The following INSYN2B variants were observed in gnomAD, a reference collection of about 807,000 sequenced individuals.
INSYN2B encodes the protein protein INSYN2B.
Under a neutral mutation model 41.2 loss-of-function variants are expected in INSYN2B, and 16 were observed. That is an observed-to-expected ratio of 0.39 (90% CI 0.26 to 0.59). The LOEUF (loss-of-function observed/expected upper bound fraction) is 0.59, where lower values mean the gene tolerates loss of function less well. Among genes scored for constraint, INSYN2B ranks in the 20% least tolerant of loss-of-function variants. INSYN2B has a pLI of 0.57. For synonymous variants in INSYN2B, 245 were observed against 244.4 expected, an observed-to-expected ratio of 1.00 and a Z score of -0.02; for missense variants, 608 against 646.4, an observed-to-expected ratio of 0.94 and a Z score of 0.64.
At chr5:169,872,673 C>T (rs570869252) in intron 3 of INSYN2B, among the ~76,000 whole-genome samples, 1 of 152,112 alleles carries the variant, frequency 6.6e-6, no homozygotes, top group African/African-American at 2.4e-5. Flanking sequence ...GCATGTGAAA[C>T]CCTCAGAAAG....
At chr5:169,921,292 G>A (rs560273106) in intron 1 of INSYN2B, among the ~76,000 whole-genome samples, 1 of 152,110 alleles carries the variant, frequency 6.6e-6, no homozygotes, top group Non-Finnish European at 1.5e-5. Context: ...ATATTATATA[G>A]GAAATCTCAT....
At chr5:169,886,445 A>C (rs558271213) in intron 1 of INSYN2B, among the ~76,000 whole-genome samples, 10 of 152,354 alleles carry the variant, frequency 6.6e-5, no homozygotes, top group Admixed American at 6.5e-4. Context: ...TCCTCAGTCC[A>C]TGACTAAATC....
intron 1 of INSYN2B, among the ~76,000 whole-genome samples, chr5:169,931,985 C>G (rs1775778401): frequency 2.0e-5 from 3 of 152,308 alleles, no homozygotes; most frequent in Non-Finnish European, 4.4e-5. Flanking sequence ...AGGAACTGCT[C>G]TAGGTGCTAG....
At chr5:169,875,437 C>T (rs139951493) in intron 3 of INSYN2B, 31 of 384,698 alleles carry the variant, frequency 8.1e-5, no homozygotes, top group African/African-American at 5.8e-4. Context: ...CAGTGACAAT[C>T]GAACATTCCA....
At chr5:169,922,801 C>T (rs959710599) in intron 1 of INSYN2B, among the ~76,000 whole-genome samples, 1 of 152,164 alleles carries the variant, frequency 6.6e-6, no homozygotes, top group Non-Finnish European at 1.5e-5. Context: ...ATATAACCTA[C>T]ATTGTTTGAG....
intron 1 of INSYN2B, among the ~76,000 whole-genome samples, chr5:169,913,865 G>A (rs1774737793): frequency 6.6e-6 from 1 of 150,794 alleles, no homozygotes; most frequent in Non-Finnish European, 1.5e-5. Flanking sequence ...TACTGAGCAA[G>A]AAGCTTAGAG....
At chr5:169,877,603 A>G (rs1297071433) in intron 3 of INSYN2B, among the ~76,000 whole-genome samples, 2 of 152,180 alleles carry the variant, frequency 1.3e-5, no homozygotes, top group Non-Finnish European at 2.9e-5. Context: ...GACAAATTTG[A>G]GTTGCCTTGG....
intron 1 of INSYN2B, among the ~76,000 whole-genome samples, chr5:169,979,014 T>C (rs1184815172): frequency 1.3e-5 from 2 of 152,178 alleles, no homozygotes; most frequent in Admixed American, 6.5e-5. Context: ...AAGAAGCAAT[T>C]TCCCATCCTG....
chr5:169,923,323 A>C (rs1486994689), intron 1 of INSYN2B, among the ~76,000 whole-genome samples: 3 of 152,186 alleles, frequency 2.0e-5, no homozygotes, highest in Admixed American at 6.5e-5. Flanking sequence ...ATATTTCCTA[A>C]ATTTCCTACA....
At chr5:169,890,262 T>G (rs774976449) in intron 1 of INSYN2B, among the ~76,000 whole-genome samples, 5 of 152,160 alleles carry the variant, frequency 3.3e-5, no homozygotes, top group African/African-American at 1.2e-4. Flanking sequence ...TGTAGGGATA[T>G]GTCTTCCACT....
intron 1 of INSYN2B, among the ~76,000 whole-genome samples, chr5:169,959,001 T>C (rs1365204395): frequency 5.9e-5 from 9 of 152,224 alleles, no homozygotes; most frequent in Admixed American, 5.9e-4. Flanking sequence ...AGTAAACTAC[T>C]AACTTATAAA....
At chr5:169,881,559 G>T in intron 2 of INSYN2B, 117 bp from the exon 3 acceptor site, 1 of 733,046 alleles carries the variant, frequency 1.4e-6, no homozygotes, top group Non-Finnish European at 2.4e-6. Flanking sequence ...CTCTGAAGTT[G>T]CACGGCCATT....
intron 1 of INSYN2B, among the ~76,000 whole-genome samples, chr5:169,890,328 A>C (rs1315144202): frequency 6.6e-6 from 1 of 152,028 alleles, no homozygotes; most frequent in Non-Finnish European, 1.5e-5. Flanking sequence ...GGAGCCATTT[A>C]CTGTTGATCA....
At chr5:169,893,552 T>TG (rs1164456731) in intron 1 of INSYN2B, among the ~76,000 whole-genome samples, 1 of 151,626 alleles carries the variant, frequency 6.6e-6, no homozygotes, top group Non-Finnish European at 1.5e-5. Flanking sequence ...GGTCAAACAC[T>TG]GGGGGAGCTG....
intron 1 of INSYN2B, among the ~76,000 whole-genome samples, chr5:169,963,852 G>T (rs561384799): frequency 2.4e-4 from 37 of 152,212 alleles, no homozygotes; most frequent in Admixed American, 7.2e-4. Flanking sequence ...AACATAGACC[G>T]CTGGGCCTAC....
chr5:169,918,175 A>G (rs1236643601), intron 1 of INSYN2B, among the ~76,000 whole-genome samples: 2 of 152,342 alleles, frequency 1.3e-5, no homozygotes, highest in East Asian at 3.9e-4. Flanking sequence ...AAATTTTAAA[A>G]ATACAGAAAC....
chr5:169,916,391 C>A (rs920587035), intron 1 of INSYN2B, among the ~76,000 whole-genome samples: 1 of 152,182 alleles, frequency 6.6e-6, no homozygotes, highest in Non-Finnish European at 1.5e-5. Flanking sequence ...ATTTCTGGCC[C>A]TCCTATCACC....
At chr5:169,974,915 G>C (rs192967958) in intron 1 of INSYN2B, among the ~76,000 whole-genome samples, 1 of 152,118 alleles carries the variant, frequency 6.6e-6, no homozygotes, top group East Asian at 1.9e-4. Flanking sequence ...AAAAACTGGG[G>C]TATCCTGAAT....
At chr5:169,879,888 T>G (rs1772537469) in intron 3 of INSYN2B, among the ~76,000 whole-genome samples, 1 of 152,192 alleles carries the variant, frequency 6.6e-6, no homozygotes, top group African/African-American at 2.4e-5. Context: ...TAAAATCATT[T>G]TAAGGTAACA....
Sources: allele counts gnomAD v4.1 joint callset (sites outside exome capture counted in the v4.1 genomes callset), GRCh38; gene constraint gnomAD v4.1.1; transcripts MANE v1.5; gene names NCBI Gene and HGNC (gene_info 2026-07-23, HGNC 2026-07-21).